Variants in BMAL2 observed in about 807,000 individuals in gnomAD.
BMAL2 encodes the protein basic helix-loop-helix ARNT like 2.
the BMAL2 span, among the ~76,000 whole-genome samples, chr12:27,366,696 C>T: frequency 6.6e-6 from 1 of 152,194 alleles, no homozygotes; most frequent in African/African-American, 2.4e-5. Context: ...ACCTTGTTAA[C>T]CCATTTCTGG....
chr12:27,396,926 G>T, the BMAL2 span, among the ~76,000 whole-genome samples: 1 of 152,178 alleles, frequency 6.6e-6, no homozygotes, highest in African/African-American at 2.4e-5. Flanking sequence ...ACCTGCTTGA[G>T]GGTCATTTTG....
chr12:27,402,659 A>G, the BMAL2 span: 1 of 1,612,324 alleles, frequency 6.2e-7, no homozygotes, highest in Non-Finnish European at 8.5e-7. Flanking sequence ...TTTACCTTGT[A>G]GCTCTCAATC....
At chr12:27,413,110 C>G in the BMAL2 span, among the ~76,000 whole-genome samples, 8 of 152,022 alleles carry the variant, frequency 5.3e-5, no homozygotes, top group East Asian at 1.5e-3. Flanking sequence ...GAGTTAATCA[C>G]CATGAGATCT....
the BMAL2 span, chr12:27,376,515 T>C: frequency 1.4e-6 from 1 of 714,300 alleles, no homozygotes; most frequent in East Asian, 2.8e-5. Context: ...CTTGTTATGC[T>C]CTGAGAAGCA....
the BMAL2 span, among the ~76,000 whole-genome samples, chr12:27,375,595 A>G: frequency 6.6e-6 from 1 of 152,202 alleles, no homozygotes; most frequent in African/African-American, 2.4e-5. Flanking sequence ...AAGGAGACAC[A>G]TTAGAATATT....
the BMAL2 span, among the ~76,000 whole-genome samples, chr12:27,335,665 G>T: frequency 6.6e-6 from 1 of 152,046 alleles, no homozygotes; most frequent in Non-Finnish European, 1.5e-5. Flanking sequence ...AACCAGGATG[G>T]GCTAATTACT....
the BMAL2 span, among the ~76,000 whole-genome samples, chr12:27,392,614 C>T: frequency 7.5e-6 from 1 of 132,938 alleles, no homozygotes; most frequent in African/African-American, 2.9e-5. Context: ...TGGTTCACCT[C>T]TAATTAATCC....
chr12:27,333,024 T>C, the BMAL2 span: 2 of 1,183,058 alleles, frequency 1.7e-6, no homozygotes, highest in Non-Finnish European at 2.1e-6. Flanking sequence ...CCGGGGCTCC[T>C]CCATGCTGCC....
the BMAL2 span, among the ~76,000 whole-genome samples, chr12:27,369,598 A>G: frequency 6.6e-6 from 1 of 152,160 alleles, no homozygotes; most frequent in Non-Finnish European, 1.5e-5. Context: ...GCTCCCACTT[A>G]TCTTGAACTG....
At chr12:27,401,987 G>A in the BMAL2 span, among the ~76,000 whole-genome samples, 4 of 152,238 alleles carry the variant, frequency 2.6e-5, no homozygotes, top group South Asian at 8.3e-4. Context: ...TTTCTACTGT[G>A]CATTATTGTA....
At chr12:27,376,248 G>A in the BMAL2 span, 3 of 1,071,570 alleles carry the variant, frequency 2.8e-6, no homozygotes, top group Non-Finnish European at 4.2e-6. Context: ...ATAGGAATTA[G>A]GATGATTGAT....
At chr12:27,360,979 A>G in the BMAL2 span, among the ~76,000 whole-genome samples, 1 of 152,150 alleles carries the variant, frequency 6.6e-6, no homozygotes, top group Admixed American at 6.6e-5. Context: ...GTTATTTACA[A>G]GATAATGAAA....
At chr12:27,419,955 A>G in the BMAL2 span, among the ~76,000 whole-genome samples, 1 of 151,784 alleles carries the variant, frequency 6.6e-6, no homozygotes, top group Non-Finnish European at 1.5e-5. Context: ...TTCTCATTTC[A>G]GTATTAAACA....
the BMAL2 span, chr12:27,401,195 A>G: frequency 1.0e-5 from 13 of 1,278,440 alleles, 1 homozygote; most frequent in South Asian, 1.6e-4. Flanking sequence ...ATGTGGGCCT[A>G]CAGTCTTCTG....
At chr12:27,363,045 T>C in the BMAL2 span, among the ~76,000 whole-genome samples, 1 of 152,146 alleles carries the variant, frequency 6.6e-6, no homozygotes, top group Non-Finnish European at 1.5e-5. Context: ...CCTTACGTGA[T>C]CCTCTTACCT....
chr12:27,405,444 A>C, the BMAL2 span, among the ~76,000 whole-genome samples: 1 of 152,200 alleles, frequency 6.6e-6, no homozygotes, highest in Non-Finnish European at 1.5e-5. Flanking sequence ...GTTCACCAAT[A>C]TCCGCTGTTC....
At chr12:27,345,097 A>AT in the BMAL2 span, among the ~76,000 whole-genome samples, 1 of 152,186 alleles carries the variant, frequency 6.6e-6, no homozygotes, top group Non-Finnish European at 1.5e-5. Context: ...CAAGGCTATC[A>AT]TGAAAAGCTT....
chr12:27,386,781 C>T, the BMAL2 span, among the ~76,000 whole-genome samples: 2 of 152,246 alleles, frequency 1.3e-5, no homozygotes, highest in African/African-American at 4.8e-5. Context: ...AGGCGTGCAC[C>T]ACCATGCCCG....
the BMAL2 span, among the ~76,000 whole-genome samples, chr12:27,402,398 T>C: frequency 5.6e-3 from 855 of 152,308 alleles, 11 homozygotes; most frequent in African/African-American, 0.019. Context: ...GAGTTTGTTA[T>C]TGTGAGAACA....
Sources: allele counts gnomAD v4.1 joint callset (sites outside exome capture counted in the v4.1 genomes callset), GRCh38; gene constraint gnomAD v4.1.1; transcripts MANE v1.5; gene names NCBI Gene and HGNC (gene_info 2026-07-23, HGNC 2026-07-21).